The following TMEM232 variants were observed in gnomAD, a reference collection of about 807,000 sequenced individuals.
TMEM232 encodes transmembrane protein 232.
TMEM232 carries 80 observed loss-of-function variants against 78.8 expected under a neutral mutation model. The observed-to-expected ratio is 1.01, with a 90% CI of 0.85 to 1.22. The LOEUF (loss-of-function observed/expected upper bound fraction) is 1.22, where lower values mean the gene tolerates loss of function less well. Ranked by LOEUF, TMEM232 falls within the 50% of genes most tolerant of loss-of-function variation. The pLI is 0.00. For missense variants in TMEM232, 881 were observed against 742.2 expected (o/e 1.19, Z -2.17); for synonymous variants, 297 against 254.3 (o/e 1.17, Z -1.60).
chr5:110,438,761 T>C (rs1424288421), intron 12 of TMEM232, among the ~76,000 whole-genome samples: 2 of 152,194 alleles, frequency 1.3e-5, no homozygotes, highest in African/African-American at 4.8e-5. Flanking sequence ...AGTTTATCAT[T>C]AACAAAATTA....
At chr5:110,549,912 A>C (rs116709710) in intron 11 of TMEM232, among the ~76,000 whole-genome samples, 4,326 of 152,192 alleles carry the variant, frequency 0.028, 160 homozygotes, top group African/African-American at 0.087. Flanking sequence ...AGAAGAAATA[A>C]TGACAAAAAT....
In TMEM232 at chr5:110,642,275, G is replaced by T; in HGVS notation, c.222C>A (p.Ile74=). Residue 74 remains isoleucine (I), a synonymous_variant, in exon 3 of 14, where the codon ATC becomes ATA. Coordinates refer to ENST00000455884, the MANE Select transcript of TMEM232 (RefSeq NM_001039763.4). The part of the protein sequence containing the change: ...KEELLELARK[I]ILRCKRKLGL... ...ATGCCATTACCTTACATCTGAGAAT[G>T]ATTTTTCTAGCTAGTTCCAACAATT... 2 of 1,535,638 alleles carry T rather than the reference G, an allele frequency of 1.3e-6. No homozygotes were observed. Among genetic ancestry groups the T allele is most frequent in the South Asian group, 2.5e-5 (2 of 80,920 alleles).
chr5:110,689,007 T>C (rs1214318719), intron 1 of TMEM232, among the ~76,000 whole-genome samples: 1 of 152,212 alleles, frequency 6.6e-6, no homozygotes, highest in East Asian at 1.9e-4. Flanking sequence ...CCCCCCATTT[T>C]TCCTTTGACC....
chr5:110,389,888 C>A (rs75041573), intron 4 of TMEM232, among the ~76,000 whole-genome samples: 1 of 148,022 alleles, frequency 6.8e-6, no homozygotes, highest in Non-Finnish European at 1.5e-5. Context: ...ACATGAAGAG[C>A]AAGAAGTCAG....
chr5:110,599,810 A>G (rs1443276880), intron 10 of TMEM232, among the ~76,000 whole-genome samples: 2 of 152,168 alleles, frequency 1.3e-5, no homozygotes, highest in African/African-American at 4.8e-5. Context: ...CTCTGGACCA[A>G]GTGGACCTAA....
At chr5:110,632,532 A>T (rs977589895) in intron 5 of TMEM232, among the ~76,000 whole-genome samples, 11 of 152,190 alleles carry the variant, frequency 7.2e-5, no homozygotes, top group African/African-American at 2.7e-4. Context: ...GATATGAATG[A>T]GAAATTTATC....
intron 1 of TMEM232, among the ~76,000 whole-genome samples, chr5:110,714,518 T>C (rs553559673): frequency 1.3e-5 from 2 of 152,288 alleles, no homozygotes; most frequent in African/African-American, 2.4e-5. Flanking sequence ...ATCCTTGAAA[T>C]TGGCTTAGAA....
chr5:110,660,475 G>C (rs73228126), intron 2 of TMEM232, among the ~76,000 whole-genome samples: 4,402 of 151,962 alleles, frequency 0.029, 219 homozygotes, highest in African/African-American at 0.1. Context: ...AGTCCAGAAA[G>C]GAGGCCTAAG....
chr5:110,495,843 A>G (rs1352290629), intron 12 of TMEM232, among the ~76,000 whole-genome samples: 2 of 151,692 alleles, frequency 1.3e-5, no homozygotes, highest in African/African-American at 2.4e-5. Flanking sequence ...TGATAATTCT[A>G]TTATTAAATA....
At chr5:110,675,706 T>C (rs1438757522) in intron 1 of TMEM232, among the ~76,000 whole-genome samples, 1 of 152,230 alleles carries the variant, frequency 6.6e-6, no homozygotes, top group Non-Finnish European at 1.5e-5. Flanking sequence ...GATGTTTTCA[T>C]ATATGCATAC....
At chr5:110,463,712 T>C (rs932248033) in intron 12 of TMEM232, among the ~76,000 whole-genome samples, 6 of 152,198 alleles carry the variant, frequency 3.9e-5, no homozygotes, top group African/African-American at 1.4e-4. Context: ...GCCCACCTTT[T>C]TGACATATCC....
intron 12 of TMEM232, among the ~76,000 whole-genome samples, chr5:110,495,259 C>A: frequency 6.6e-6 from 1 of 151,794 alleles, no homozygotes; most frequent in East Asian, 1.9e-4. Flanking sequence ...TTCCTCTATT[C>A]CAGTGGTTCT....
chr5:110,630,539 T>C (rs1784987973), intron 5 of TMEM232, among the ~76,000 whole-genome samples: 1 of 152,126 alleles, frequency 6.6e-6, no homozygotes, highest in Non-Finnish European at 1.5e-5. Context: ...ATTCTGGTTG[T>C]ATGTTGTGTG....
rs1233546083 is a variant in TMEM232, at chr5:110,499,646, C to CAT, written c.1703+28940_1703+28941dup. On this transcript the variant is annotated intron_variant, in intron 12 of 13. Transcript: ENST00000455884. ...GTATACACCCCCCCCCACACACACA[C>CAT]ATATATATATATATAAAGATAAGCA... is the stretch of plus-strand genomic sequence containing the variant. 4.0e-3 allele frequency among the ~76,000 whole-genome samples: 575 copies of CAT among 145,138 alleles called. 7 individuals carry two copies. The highest frequency in any genetic ancestry group is 0.011 in the African/African-American group (415 of 37,154).
intron 11 of TMEM232, among the ~76,000 whole-genome samples, chr5:110,558,528 G>A (rs999119355): frequency 2.0e-5 from 3 of 152,134 alleles, no homozygotes; most frequent in African/African-American, 4.8e-5. Flanking sequence ...GAGCATCTGA[G>A]GCTGCACTGC....
intron 12 of TMEM232, among the ~76,000 whole-genome samples, chr5:110,524,573 T>C (rs925386838): frequency 6.6e-6 from 1 of 152,170 alleles, no homozygotes; most frequent in Non-Finnish European, 1.5e-5. Flanking sequence ...ACATGTGATC[T>C]ATGCTGGAGA....
chr5:110,542,818 T>C (rs1773324557), intron 11 of TMEM232, among the ~76,000 whole-genome samples: 1 of 152,138 alleles, frequency 6.6e-6, no homozygotes, highest in Non-Finnish European at 1.5e-5. Context: ...GCTTTCTGCA[T>C]GGCAGATGAA....
chr5:110,634,018 T>C (rs1785488929), intron 5 of TMEM232, among the ~76,000 whole-genome samples: 2 of 151,890 alleles, frequency 1.3e-5, no homozygotes, highest in South Asian at 2.1e-4. Context: ...TCCACACAAA[T>C]TGAAATCAAA....
At chr5:110,645,465 A>C (rs1787352387) in intron 2 of TMEM232, among the ~76,000 whole-genome samples, 1 of 151,460 alleles carries the variant, frequency 6.6e-6, no homozygotes, top group African/African-American at 2.4e-5. Flanking sequence ...CCAAAAAAAA[A>C]AAAAAGGTCA....
Sources: allele counts gnomAD v4.1 joint callset (sites outside exome capture counted in the v4.1 genomes callset), GRCh38; gene constraint gnomAD v4.1.1; transcripts MANE v1.5; gene names NCBI Gene and HGNC (gene_info 2026-07-23, HGNC 2026-07-21).